Variants in DDX21 observed in about 807,000 individuals in gnomAD.
The protein encoded by DDX21 is nucleolar RNA helicase 2.
A neutral mutation model predicts 90.0 loss-of-function variants in DDX21; 18 were observed. The observed-to-expected ratio is 0.20, with a 90% confidence interval of 0.14 to 0.30. The LOEUF (loss-of-function observed/expected upper bound fraction) is 0.30. DDX21 is among the 10% of genes least tolerant of loss of function. The pLI, the probability that DDX21 is intolerant of heterozygous loss-of-function variation, is 1.00. For missense variants in DDX21, 673 were observed against 944.5 expected, an observed-to-expected ratio of 0.71 and a Z score of 3.77; for synonymous variants, 294 against 318.0, an observed-to-expected ratio of 0.92 and a Z score of 0.80.
chr10:68,970,897 C>T (rs890173625), intron 8 of DDX21, among the ~76,000 whole-genome samples: 4 of 151,624 alleles, frequency 2.6e-5, no homozygotes, highest in Non-Finnish European at 5.9e-5. Flanking sequence ...AAGTGATCCA[C>T]CTGCCTCGGC....
At chr10:68,979,726 T>TA (rs1843159140) in intron 13 of DDX21, among the ~76,000 whole-genome samples, 1 of 152,190 alleles carries the variant, frequency 6.6e-6, no homozygotes, top group South Asian at 2.1e-4. Context: ...ATCTTCAACT[T>TA]ATTGCATGTC....
chr10:68,968,002 C>T (rs1842963794), intron 6 of DDX21, among the ~76,000 whole-genome samples: 1 of 151,992 alleles, frequency 6.6e-6, no homozygotes, highest in Non-Finnish European at 1.5e-5. Flanking sequence ...TGAAGCAATC[C>T]TCCGAGTAGC....
chr10:68,956,426 C>A lies in DDX21; in HGVS notation c.87+114C>A. 9 of 1,527,146 alleles carry A rather than the reference C, an allele frequency of 5.9e-6. No homozygotes were observed. The South Asian group carries it at 7.3e-5, about 12-fold the overall frequency. The allele number at this position is 1,527,146 out of a possible 1,614,324, so 94.6% of individuals were successfully genotyped here. On this transcript the variant is annotated intron_variant, in intron 1 of 14. Coordinates refer to ENST00000354185, the MANE Select transcript of DDX21 (RefSeq NM_004728.4). Reference sequence around the variant, plus strand: ...AGCGCGCGGCGGATAACAGCGCGTCCAGACACCGGGCGTGGGTCTTGGCGG... The same window carrying A: ...AGCGCGCGGCGGATAACAGCGCGTCAAGACACCGGGCGTGGGTCTTGGCGG...
In DDX21 at chr10:68,962,124, C is replaced by A; in HGVS notation, c.574C>A (p.Pro192Thr). Reference protein sequence around the residue: ...EQKEGAFSNFPISEETIKLLK... With the variant: ...EQKEGAFSNFTISEETIKLLK... ...AAAAGAAGGCGCTTTCTCTAATTTTCCCATATCTGAAGAAACTATTAAACT... is the reference window on the plus strand; with the variant it reads ...AAAAGAAGGCGCTTTCTCTAATTTTACCATATCTGAAGAAACTATTAAACT... The change falls in exon 3 of 15, where the codon CCC becomes ACC. Residue 192 changes from proline to threonine, a missense_variant. Transcript: ENST00000354185. 6.2e-7 allele frequency: 1 copy of A among 1,612,346 alleles called. No individual in the cohort carries two copies. The highest frequency in any genetic ancestry group is 8.5e-7 in the Non-Finnish European group (1 of 1,178,934).
chr10:68,978,804 C>T (rs774076757), intron 12 of DDX21, 38 bp from the exon 13 acceptor site: 7 of 1,581,742 alleles, frequency 4.4e-6, no homozygotes, highest in Non-Finnish European at 5.2e-6. Flanking sequence ...GGTTTATTTT[C>T]AGCACTTTAA....
intron 14 of DDX21, among the ~76,000 whole-genome samples, chr10:68,981,820 C>T (rs1843195654): frequency 6.6e-6 from 1 of 152,036 alleles, no homozygotes; most frequent in Non-Finnish European, 1.5e-5. Flanking sequence ...GCTCTCCCCA[C>T]CCTTTAACAC....
At chr10:68,970,132 T>C in intron 7 of DDX21, 69 bp from the exon 8 acceptor site, 2 of 1,429,906 alleles carry the variant, frequency 1.4e-6, no homozygotes, top group Non-Finnish European at 1.9e-6. Context: ...TGCTCACTGA[T>C]CATTGTGTTG....
intron 13 of DDX21, among the ~76,000 whole-genome samples, chr10:68,981,242 A>ACCACTAGGGGG: frequency 6.6e-6 from 1 of 152,352 alleles, no homozygotes; most frequent in Admixed American, 6.5e-5. Flanking sequence ...CAGCAATAAA[A>ACCACTAGGGGG]TGTAGCTAAT....
intron 4 of DDX21, among the ~76,000 whole-genome samples, chr10:68,964,332 T>C (rs1446388871): frequency 6.6e-6 from 1 of 152,196 alleles, no homozygotes; most frequent in Non-Finnish European, 1.5e-5. Context: ...GGCCTTCCAG[T>C]GTCCATGCTC....
chr10:68,962,330 C>T lies in DDX21; in HGVS notation c.607+173C>T, dbSNP rs1842882134. Among the ~76,000 whole-genome samples the T allele has an allele frequency of 2.0e-5, 3 of 152,172 alleles. No individual in the cohort carries two copies. The South Asian group carries it at 6.2e-4, about 31-fold the overall frequency. Reference sequence around the variant, plus strand: ...TAGTACTATAGTAGTGATGGTTCTTCATGCTTCTTAAACAAGTGGTTAAAG... The same window carrying T: ...TAGTACTATAGTAGTGATGGTTCTTTATGCTTCTTAAACAAGTGGTTAAAG... On this transcript the variant is annotated intron_variant, in intron 3 of 14. Transcript: ENST00000354185.
intron 5 of DDX21, among the ~76,000 whole-genome samples, chr10:68,966,146 A>G (rs1842935634): frequency 6.6e-6 from 1 of 151,420 alleles, no homozygotes; most frequent in African/African-American, 2.4e-5. Flanking sequence ...AATACAAAAA[A>G]TTAGCCGGGC....
Position 68,978,919 on chromosome 10 carries a change from G to C in DDX21, c.1980G>C (p.Gln660His), listed in dbSNP as rs757659464. The part of the protein sequence containing the change: ...ISYAWKELKE[Q>H]LGEEIDSKVK... Reference sequence around the variant, plus strand: ...ATGCTTGGAAAGAACTTAAAGAGCAGCTGGGCGAGGAGATTGATTCCAAAG... The same window carrying C: ...ATGCTTGGAAAGAACTTAAAGAGCACCTGGGCGAGGAGATTGATTCCAAAG... The change falls in exon 13 of 15, where the codon CAG (glutamine) becomes CAC (histidine). Residue 660 changes from glutamine to histidine, a missense_variant. Transcript: ENST00000354185. The C allele has an allele frequency of 1.2e-6, 2 of 1,614,112 alleles. No homozygotes were observed. The highest frequency in any genetic ancestry group is 2.7e-5 in the African/African-American group (2 of 74,952).
intron 1 of DDX21, chr10:68,956,630 C>A (rs905275652): frequency 3.4e-6 from 4 of 1,187,888 alleles, no homozygotes; most frequent in Non-Finnish European, 4.2e-6. Flanking sequence ...TGGTCCCCGG[C>A]GACTTGGGCG....
chr10:68,958,144 T>G (rs878984721), intron 1 of DDX21, among the ~76,000 whole-genome samples: 1 of 152,106 alleles, frequency 6.6e-6, no homozygotes, highest in Admixed American at 6.6e-5. Flanking sequence ...TGAGATGGAG[T>G]TTTGCTGTCG....
At chr10:68,957,127 G>C (rs1378631738) in intron 1 of DDX21, among the ~76,000 whole-genome samples, 1 of 152,150 alleles carries the variant, frequency 6.6e-6, no homozygotes, top group Non-Finnish European at 1.5e-5. Flanking sequence ...CGCGTCTTTA[G>C]TGACTTTTTA....
At chr10:68,965,305 C>A in intron 4 of DDX21, 72 bp from the exon 5 acceptor site, 1 of 1,176,710 alleles carries the variant, frequency 8.5e-7, no homozygotes. Flanking sequence ...TCCTGGAATG[C>A]TGTTCTTTAA....
chr10:68,969,652 C>T (rs1000376753), intron 7 of DDX21, among the ~76,000 whole-genome samples: 1 of 152,186 alleles, frequency 6.6e-6, no homozygotes, highest in Non-Finnish European at 1.5e-5. Flanking sequence ...TTAAATCTAT[C>T]TGAGTTATGT....
chr10:68,958,653 G>A (rs957719200), intron 1 of DDX21, among the ~76,000 whole-genome samples: 1 of 152,022 alleles, frequency 6.6e-6, no homozygotes, highest in Non-Finnish European at 1.5e-5. Context: ...TAGCCAGGAT[G>A]GTCTCCTTCT....
chr10:68,957,688 ACT>A (rs1311517461), intron 1 of DDX21, among the ~76,000 whole-genome samples: 9 of 152,302 alleles, frequency 5.9e-5, no homozygotes, highest in Admixed American at 1.3e-4. Flanking sequence ...AGGATGGGAA[ACT>A]CAGTCTTATT....
Sources: gnomAD v4.1 joint callset for allele counts (sites outside exome capture counted in the v4.1 genomes callset) on GRCh38, gnomAD v4.1.1 for gene constraint, MANE v1.5 for transcripts, NCBI Gene and HGNC (gene_info 2026-07-23, HGNC 2026-07-21) for gene names.